ST7L: variants seen among roughly 807,000 people sequenced by gnomAD.
The protein encoded by ST7L is suppressor of tumorigenicity 7 protein-like.
In ST7L, 57 loss-of-function variants were observed where a neutral mutation model predicts 72.5. The ratio of observed to expected loss-of-function variants is 0.79; its 90% CI spans 0.64 to 0.98. The LOEUF is 0.98. ST7L is among the 50% of genes least tolerant of loss of function. The pLI is 0.00. For synonymous variants in ST7L, 221 were observed against 240.9 expected, an observed-to-expected ratio of 0.92 and a Z score of 0.77; for missense variants, 576 against 672.2, an observed-to-expected ratio of 0.86 and a Z score of 1.58.
At chr1:112,616,765 C>A (rs187246713) in intron 2 of ST7L, 48 bp downstream of exon 2, 22,378 of 1,362,386 alleles carry the variant, frequency 0.016, 146 homozygotes, top group Non-Finnish European at 0.019. Context: ...AAAAAAATAT[C>A]TTTAGATAAA....
chr1:112,519,872 C>CTTCTTTTTTTT (rs10634267), downstream of ST7L, among the ~76,000 whole-genome samples: 307 of 115,524 alleles, frequency 2.7e-3, 16 homozygotes, highest in Non-Finnish European at 3.7e-3. Flanking sequence ...GCCCATGCTT[C>CTTCTTTTTTTT]TTTTTTTTTT....
Position 112,551,346 on chromosome 1 carries a change from C to A in ST7L, c.1397-653G>T, listed in dbSNP as rs367689967. Among the ~76,000 whole-genome samples, 12 of 151,810 alleles carry A rather than the reference C, an allele frequency of 7.9e-5. No individual in the cohort carries two copies. The East Asian group carries it at 2.3e-3, about 29-fold the overall frequency. Reference sequence around the variant, plus strand: ...TGTATTTTTAGTAGAGGCGGGGTTTCACCGTGTTAGCCAGGATGGTCTCGA... The same window carrying A: ...TGTATTTTTAGTAGAGGCGGGGTTTAACCGTGTTAGCCAGGATGGTCTCGA... On this transcript the variant is annotated intron_variant, in intron 12 of 14. Transcript: ENST00000358039.
At chr1:112,522,787 G>T (rs1392731861), downstream of ST7L, 2 of 152,252 alleles carry the variant, frequency 1.3e-5, no homozygotes, top group African/African-American at 2.4e-5. Context: ...GTAAGGGGAT[G>T]CCTGTGGAGA....
chr1:112,570,758 C>A (rs947095493), intron 11 of ST7L: 4 of 455,540 alleles, frequency 8.8e-6, no homozygotes, highest in African/African-American at 8.0e-5. Context: ...ATTGTAAAAC[C>A]CTAGCAAAAA....
intron 9 of ST7L, 69 bp downstream of exon 9, chr1:112,581,923 A>G: frequency 1.8e-6 from 2 of 1,095,900 alleles, no homozygotes; most frequent in South Asian, 1.3e-5. Context: ...ATACTAGAAT[A>G]TAACCACATT....
intron 3 of ST7L, chr1:112,610,605 C>T: frequency 2.4e-6 from 1 of 416,678 alleles, no homozygotes; most frequent in Non-Finnish European, 4.2e-6. Context: ...GTAGAAGTGG[C>T]AAGCAGCTCT....
intron 13 of ST7L, among the ~76,000 whole-genome samples, chr1:112,545,221 G>A (rs1656850300): frequency 6.6e-6 from 1 of 150,962 alleles, no homozygotes; most frequent in Non-Finnish European, 1.5e-5. Flanking sequence ...AAACCCCCCA[G>A]CATATTCCCC....
intron 11 of ST7L, 42 bp from the exon 12 acceptor site, chr1:112,556,060 A>G: frequency 7.4e-7 from 1 of 1,352,402 alleles, no homozygotes; most frequent in Non-Finnish European, 9.7e-7. Flanking sequence ...ACAACAGAAA[A>G]AAGAAAAATT....
intron 5 of ST7L, among the ~76,000 whole-genome samples, chr1:112,591,992 A>C (rs1665788709): frequency 6.6e-6 from 1 of 152,096 alleles, no homozygotes; most frequent in Non-Finnish European, 1.5e-5. Flanking sequence ...GGAACTGCTA[A>C]AAATAAAAAT....
At chr1:112,544,121 C>T (rs141521334) in intron 13 of ST7L, among the ~76,000 whole-genome samples, 1,713 of 152,240 alleles carry the variant, frequency 0.011, 14 homozygotes, top group Non-Finnish European at 0.018. Context: ...CAATAAATGT[C>T]TGCTAAACTG....
intron 3 of ST7L, among the ~76,000 whole-genome samples, chr1:112,603,892 T>G (rs1667800815): frequency 6.6e-6 from 1 of 152,192 alleles, no homozygotes; most frequent in Non-Finnish European, 1.5e-5. Context: ...AATTACCACC[T>G]GAAGCCCTAT....
chr1:112,532,544 T>C (rs1050569084), intron 14 of ST7L, among the ~76,000 whole-genome samples: 1 of 152,222 alleles, frequency 6.6e-6, no homozygotes, highest in Non-Finnish European at 1.5e-5. Flanking sequence ...CTCTGTCACA[T>C]TGGTCATCTG....
At chr1:112,615,255 A>AT (rs993771840) in intron 2 of ST7L, among the ~76,000 whole-genome samples, 24 of 151,732 alleles carry the variant, frequency 1.6e-4, no homozygotes, top group African/African-American at 5.4e-4. Flanking sequence ...AAGTGCTAGG[A>AT]TTACAGGTAT....
At chr1:112,573,117 G>C (rs1662422230) in intron 11 of ST7L, among the ~76,000 whole-genome samples, 2 of 152,080 alleles carry the variant, frequency 1.3e-5, no homozygotes, top group African/African-American at 4.8e-5. Flanking sequence ...GGGAGGCCGA[G>C]GCGGGCTGAT....
intron 4 of ST7L, among the ~76,000 whole-genome samples, chr1:112,599,250 C>A (rs1287555460): frequency 6.6e-6 from 1 of 150,986 alleles, no homozygotes; most frequent in Non-Finnish European, 1.5e-5. Flanking sequence ...ATACAAGGAC[C>A]TGTTTCTTAC....
Position 112,577,222 on chromosome 1 carries a change from CAAA to C in ST7L, c.1143-137_1143-135del, listed in dbSNP as rs879471946. Reference sequence around the variant, plus strand: ...GCCAAAAACAAAGCCAGAGGACTAACAAAAAAAAAAAAAAAATTAAAGCTGGCC... The same window carrying C: ...GCCAAAAACAAAGCCAGAGGACTAACAAAAAAAAAAAAATTAAAGCTGGCC... On this transcript the variant is annotated intron_variant, in intron 10 of 14. Transcript: ENST00000358039. 8.2e-4 allele frequency: 249 copies of C among 302,198 alleles called. 2 individuals are homozygous for C. In the South Asian group the frequency reaches 9.9e-3, roughly 12 times the overall value. 18.7% of individuals were successfully genotyped at this position (302,198 alleles called of 1,614,324 possible).
chr1:112,570,864 CAA>C (rs1661988707), intron 11 of ST7L: 1 of 432,180 alleles, frequency 2.3e-6, no homozygotes, highest in South Asian at 1.7e-5. Flanking sequence ...AAAACTTCTC[CAA>C]AAGTTTTGGC....
chr1:112,541,476 A>T (rs1473586302), intron 14 of ST7L, among the ~76,000 whole-genome samples: 1 of 152,170 alleles, frequency 6.6e-6, no homozygotes, highest in Non-Finnish European at 1.5e-5. Flanking sequence ...AACCTTTGAG[A>T]CATAGGCACA....
chr1:112,581,715 G>A (rs1453107903), intron 9 of ST7L, among the ~76,000 whole-genome samples: 1 of 152,050 alleles, frequency 6.6e-6, no homozygotes, highest in Non-Finnish European at 1.5e-5. Context: ...AGCCTCCCAT[G>A]TTGTCTTGTT....
Sources: gnomAD v4.1 joint callset for allele counts (sites outside exome capture counted in the v4.1 genomes callset) on GRCh38, gnomAD v4.1.1 for gene constraint, MANE v1.5 for transcripts, NCBI Gene and HGNC (gene_info 2026-07-23, HGNC 2026-07-21) for gene names.